Variants in ZNF354B observed in about 807,000 individuals in gnomAD.
ZNF354B encodes zinc finger protein 354B.
ZNF354B carries 10 observed loss-of-function variants against 12.9 expected under a neutral mutation model. The observed-to-expected ratio is 0.77, with a 90% CI of 0.48 to 1.31. The LOEUF (loss-of-function observed/expected upper bound fraction) is 1.31, where lower values mean the gene tolerates loss of function less well. Among genes scored for constraint, ZNF354B ranks in the 40% most tolerant of loss-of-function variants. ZNF354B has a pLI of 0.00. For missense variants in ZNF354B, 614 were observed against 711.7 expected (o/e 0.86, Z 1.56); for synonymous variants, 260 against 243.7 (o/e 1.07, Z -0.62).
rs765813010 is a variant in ZNF354B, at chr5:178,882,909, A to C, written c.457A>C (p.Thr153Pro). 84 of 1,600,336 alleles carry C rather than the reference A, an allele frequency of 5.2e-5. No homozygotes were observed. Among genetic ancestry groups the C allele is most frequent in the African/African-American group, 1.5e-4 (11 of 73,812 alleles). ...IISVAHTKIL[T>P]VDRSHKNVEF... is the part of the protein sequence containing the mutation. The stretch of plus-strand genomic sequence containing the variant: ...TTCAGTTGCCCATACAAAAATCCTT[A>C]CTGTAGATAGAAGCCATAAAAATGT... The change falls in exon 5 of 5, where the codon ACT becomes CCT. Residue 153 changes from threonine (T) to proline (P), a missense_variant. Physicochemically the swap from Thr to Pro is conservative, Grantham distance 38. Transcript: ENST00000322434.
intron 2 of ZNF354B, among the ~76,000 whole-genome samples, chr5:178,863,020 C>G (rs963085785): frequency 2.6e-5 from 4 of 152,174 alleles, no homozygotes; most frequent in Admixed American, 1.3e-4. Flanking sequence ...CTTGGCTGCC[C>G]TGGACCTTGT....
At position 178,881,343 on chromosome 5, in the gene ZNF354B, T is replaced by C. The variant is rs74383579; in HGVS notation, c.257-1366T>C. On this transcript the variant is annotated intron_variant, in intron 4 of 4. Transcript: ENST00000322434. ...CCACAATGCACAGGGCAGCCCACCC[T>C]ATCCACACAACTAAAAAATCAGCCC... Among the ~76,000 whole-genome samples the C allele has an allele frequency of 9.9e-5, 15 of 151,454 alleles. No homozygotes were observed. In the East Asian group the frequency reaches 3.0e-3, roughly 30 times the overall value.
At chr5:178,874,921 G>A (rs75471226) in intron 4 of ZNF354B, among the ~76,000 whole-genome samples, 414 of 152,336 alleles carry the variant, frequency 2.7e-3, no homozygotes, top group African/African-American at 9.5e-3. Flanking sequence ...AATGTTTTCA[G>A]AGGGCCAGTG....
At chr5:178,878,418 T>C (rs1160435564) in intron 4 of ZNF354B, among the ~76,000 whole-genome samples, 1 of 152,042 alleles carries the variant, frequency 6.6e-6, no homozygotes, top group African/African-American at 2.4e-5. Flanking sequence ...ATGAAGTTAA[T>C]TCTTATCATT....
chr5:178,882,072 G>A (rs985493443), intron 4 of ZNF354B, among the ~76,000 whole-genome samples: 3 of 147,276 alleles, frequency 2.0e-5, no homozygotes, highest in Non-Finnish European at 4.5e-5. Context: ...ACTAGCTTTA[G>A]GACAAAGGTC....
chr5:178,866,840 G>A (rs1483106632), intron 3 of ZNF354B, 136 bp from the exon 4 acceptor site: 1 of 770,922 alleles, frequency 1.3e-6, no homozygotes, highest in East Asian at 2.7e-5. Flanking sequence ...ATAGATGCCA[G>A]TTTATAAGTT....
At chr5:178,875,213 G>A (rs1394145222) in intron 4 of ZNF354B, among the ~76,000 whole-genome samples, 1 of 152,166 alleles carries the variant, frequency 6.6e-6, no homozygotes, top group Non-Finnish European at 1.5e-5. Context: ...CATAGCTCTG[G>A]GGTGATCTTG....
At chr5:178,865,488 C>T (rs1022755078) in intron 2 of ZNF354B, among the ~76,000 whole-genome samples, 4 of 152,128 alleles carry the variant, frequency 2.6e-5, no homozygotes, top group East Asian at 1.9e-4. Flanking sequence ...AGGATGGTCT[C>T]GATCTCTTGA....
intron 4 of ZNF354B, among the ~76,000 whole-genome samples, chr5:178,869,642 G>T (rs944051431): frequency 2.6e-5 from 4 of 152,188 alleles, no homozygotes; most frequent in African/African-American, 4.8e-5. Context: ...GACGAGTGCA[G>T]AGTTGTCCAG....
chr5:178,862,546 T>G (rs553111554), intron 2 of ZNF354B, among the ~76,000 whole-genome samples: 218 of 152,056 alleles, frequency 1.4e-3, no homozygotes, highest in African/African-American at 4.9e-3. Context: ...TTTTTTTGTA[T>G]TTTAGTAGAG....
chr5:178,878,523 A>AT (rs1491286703), intron 4 of ZNF354B, among the ~76,000 whole-genome samples: 2 of 152,192 alleles, frequency 1.3e-5, no homozygotes, highest in Non-Finnish European at 2.9e-5. Flanking sequence ...TTAAATGTAC[A>AT]TTTTATGGCA....
At chr5:178,863,533 A>G (rs987062684) in intron 2 of ZNF354B, among the ~76,000 whole-genome samples, 2 of 152,248 alleles carry the variant, frequency 1.3e-5, no homozygotes, top group East Asian at 3.8e-4. Context: ...AAAAGTATAC[A>G]GCATATGCGA....
At chr5:178,861,990 A>G (rs1757355571) in intron 2 of ZNF354B, among the ~76,000 whole-genome samples, 1 of 152,136 alleles carries the variant, frequency 6.6e-6, no homozygotes, top group Non-Finnish European at 1.5e-5. Flanking sequence ...GAGTGACATT[A>G]TTGTCTTAAT....
intron 2 of ZNF354B, among the ~76,000 whole-genome samples, chr5:178,861,709 A>G (rs1757351757): frequency 6.6e-6 from 1 of 152,200 alleles, no homozygotes; most frequent in Admixed American, 6.5e-5. Context: ...TTCATGGGAT[A>G]GCAATAGTGC....
chr5:178,883,632 A>G lies in ZNF354B; in HGVS notation c.1180A>G (p.Ser394Gly). The change falls in exon 5 of 5, where the codon AGT becomes GGT. Residue 394 changes from serine (S) to glycine (G), a missense_variant. Ser to Gly is a moderately conservative substitution (Grantham distance 56, BLOSUM62 0). Coordinates refer to ENST00000322434, the MANE Select transcript of ZNF354B (RefSeq NM_058230.3). Reference protein sequence around the residue: ...CSECGRAFSQSASLIQHERIH... With the variant: ...CSECGRAFSQGASLIQHERIH... ...TGAATGTGGGAGAGCCTTCAGCCAG[A>G]GTGCCTCTCTTATTCAACATGAAAG... 2 of 1,613,752 alleles carry G rather than the reference A, an allele frequency of 1.2e-6. No homozygotes were observed. Among genetic ancestry groups the G allele is most frequent in the Non-Finnish European group, 1.7e-6 (2 of 1,179,666 alleles).
At chr5:178,874,469 A>G (rs992358416) in intron 4 of ZNF354B, among the ~76,000 whole-genome samples, 3 of 152,006 alleles carry the variant, frequency 2.0e-5, no homozygotes, top group South Asian at 2.1e-4. Context: ...TTATCTGTCT[A>G]TCTGGCTGAG....
chr5:178,875,319 A>G (rs1449959321), intron 4 of ZNF354B, among the ~76,000 whole-genome samples: 6 of 152,120 alleles, frequency 3.9e-5, no homozygotes, highest in Admixed American at 6.6e-5. Context: ...ATGGGCCTCT[A>G]CCCTAAAGAG....
intron 4 of ZNF354B, among the ~76,000 whole-genome samples, chr5:178,876,054 C>T (rs1202961390): frequency 6.6e-6 from 1 of 152,174 alleles, no homozygotes; most frequent in African/African-American, 2.4e-5. Flanking sequence ...CTAGAGGTAC[C>T]AGTGTAGCGA....
chr5:178,883,976 G>C lies in ZNF354B; in HGVS notation c.1524G>C (p.Ser508=), dbSNP rs147290462. The C allele has an allele frequency of 1.2e-6, 2 of 1,613,986 alleles. No individual in the cohort carries two copies. Among genetic ancestry groups the C allele is most frequent in the Admixed American group, 1.7e-5 (1 of 60,020 alleles). ...ECDKTFRCNS[S]LSNHQRIHTG... is the part of the protein sequence containing the mutation. The stretch of plus-strand genomic sequence containing the variant: ...ACAAAACATTCAGGTGTAACTCATC[G>C]CTTAGTAATCACCAGAGAATTCATA... The change falls in exon 5 of 5, where the codon TCG becomes TCC. Residue 508 remains serine, a synonymous_variant. Coordinates refer to ENST00000322434, the MANE Select transcript of ZNF354B (RefSeq NM_058230.3).
Sources: allele counts gnomAD v4.1 joint callset (sites outside exome capture counted in the v4.1 genomes callset), GRCh38; gene constraint gnomAD v4.1.1; transcripts MANE v1.5; gene names NCBI Gene and HGNC (gene_info 2026-07-23, HGNC 2026-07-21).